The following ROBO2 variants were observed in gnomAD, a reference collection of about 807,000 sequenced individuals.
ROBO2 encodes the protein roundabout homolog 2.
ROBO2 carries 53 observed loss-of-function variants against 160.8 expected under a neutral mutation model. The ratio of observed to expected loss-of-function variants is 0.33; its 90% CI spans 0.26 to 0.41. The LOEUF (loss-of-function observed/expected upper bound fraction) is 0.41. Ranked by LOEUF, ROBO2 falls within the 10% of genes least tolerant of loss-of-function variation. ROBO2 has a pLI of 1.00. For synonymous variants in ROBO2, 664 were observed against 611.7 expected, an observed-to-expected ratio of 1.09 and a Z score of -1.26; for missense variants, 1,577 against 1,722.4, an observed-to-expected ratio of 0.92 and a Z score of 1.49.
intron 2 of ROBO2, among the ~76,000 whole-genome samples, chr3:77,377,675 A>G (rs2072876490): frequency 6.6e-6 from 1 of 152,190 alleles, no homozygotes; most frequent in Non-Finnish European, 1.5e-5. Flanking sequence ...CCATTGTACC[A>G]TGTTGTTAAA....
intron 2 of ROBO2, among the ~76,000 whole-genome samples, chr3:76,903,377 C>T (rs1040228581): frequency 1.3e-5 from 2 of 151,926 alleles, no homozygotes; most frequent in Non-Finnish European, 2.9e-5. Flanking sequence ...TACAGTTTTC[C>T]ACTCTCTCTT....
At position 77,558,283 on chromosome 3, in the gene ROBO2, C is replaced by A. The variant is rs906819826; in HGVS notation, c.1437+134C>A. 9.5e-6 allele frequency: 7 copies of A among 737,182 alleles called. No homozygotes were observed. The African/African-American group carries it at 1.2e-4, about 13-fold the overall frequency. The allele number at this position is 737,182 out of a possible 1,614,324, so 45.7% of individuals were successfully genotyped here. ...CGTTTAAAAACAGTTAATGTTATTA[C>A]TTATTTTAAAAATGATGAAATGAAA... On this transcript the variant is annotated intron_variant, in intron 9 of 25. Transcript: ENST00000461745.
intron 2 of ROBO2, among the ~76,000 whole-genome samples, chr3:76,264,941 C>A (rs1707006499): frequency 6.6e-6 from 1 of 152,152 alleles, no homozygotes; most frequent in South Asian, 2.1e-4. Context: ...ACTTTCCTCC[C>A]CATGCAGTTT....
chr3:76,171,315 A>C (rs2073029519), intron 2 of ROBO2, among the ~76,000 whole-genome samples: 1 of 151,748 alleles, frequency 6.6e-6, no homozygotes, highest in South Asian at 2.1e-4. Flanking sequence ...AAAACAACCC[A>C]ACCAACAAAC....
chr3:76,958,506 C>T (rs1003516886), intron 2 of ROBO2, among the ~76,000 whole-genome samples: 3 of 152,210 alleles, frequency 2.0e-5, no homozygotes, highest in Admixed American at 6.5e-5. Flanking sequence ...TGATTTTGTA[C>T]TAGTCTCCTA....
chr3:77,136,199 A>C (rs998409313), intron 2 of ROBO2, among the ~76,000 whole-genome samples: 5 of 152,228 alleles, frequency 3.3e-5, no homozygotes, highest in African/African-American at 1.2e-4. Context: ...ATTATTCTTA[A>C]CTAAGGAGGC....
intron 1 of ROBO2, among the ~76,000 whole-genome samples, chr3:77,093,212 T>G (rs11917449): frequency 0.39 from 59,363 of 151,980 alleles, 13,180 homozygotes; most frequent in African/African-American, 0.59. Flanking sequence ...TCAGATATGC[T>G]GGTATGGGCC....
At position 77,040,854 on chromosome 3, in the gene ROBO2, A is replaced by T; in HGVS notation, c.61+8A>T. On this transcript the variant is annotated splice_region_variant and intron_variant, in intron 1 of 25. Coordinates refer to ENST00000461745, the Ensembl canonical transcript of ROBO2. The stretch of plus-strand genomic sequence containing the variant: ...TATATGTTCGGGTTGATGGTAAGTT[A>T]AAAATGCTTTCATCTTTTTTTGCGC... 1 of 1,614,142 alleles carries T rather than the reference A, an allele frequency of 6.2e-7. No homozygotes were observed. The highest frequency in any genetic ancestry group is 8.5e-7 in the Non-Finnish European group (1 of 1,180,028).
intron 2 of ROBO2, among the ~76,000 whole-genome samples, chr3:76,739,545 G>A (rs957351873): frequency 1.3e-5 from 2 of 151,900 alleles, no homozygotes; most frequent in Non-Finnish European, 2.9e-5. Flanking sequence ...ACGAGTTGGT[G>A]CAGCACACCA....
At chr3:77,268,339 A>AG in intron 2 of ROBO2, among the ~76,000 whole-genome samples, 1 of 152,244 alleles carries the variant, frequency 6.6e-6, no homozygotes, top group African/African-American at 2.4e-5. Context: ...ATGGAATAAC[A>AG]GAAAAAAAGT....
At chr3:76,028,143 C>G (rs1227371997) in intron 2 of ROBO2, among the ~76,000 whole-genome samples, 1 of 151,132 alleles carries the variant, frequency 6.6e-6, no homozygotes. Flanking sequence ...GAAAATCAAT[C>G]CTTTCTCAGA....
intron 1 of ROBO2, among the ~76,000 whole-genome samples, chr3:77,071,407 T>C (rs928130369): frequency 2.0e-5 from 3 of 152,240 alleles, no homozygotes; most frequent in Non-Finnish European, 4.4e-5. Context: ...GATTGTTGTA[T>C]AATGACTACT....
chr3:76,458,329 G>T lies in ROBO2; in HGVS notation c.109+520727G>T, dbSNP rs764826197. On this transcript the variant is annotated intron_variant, in intron 2 of 26. Coordinates refer to the ROBO2 transcript ENST00000487694. Reference sequence around the variant, plus strand: ...ATCTGTAGGGCACGGGCAAAATGCTGCCAGTCTCTTTGCTAAAACATAACA... The same window carrying T: ...ATCTGTAGGGCACGGGCAAAATGCTTCCAGTCTCTTTGCTAAAACATAACA... 3.3e-5 allele frequency among the ~76,000 whole-genome samples: 5 copies of T among 152,066 alleles called. No individual in the cohort carries two copies. The South Asian group carries it at 1.0e-3, about 31-fold the overall frequency.
At chr3:76,018,787 T>C (rs931740174) in intron 2 of ROBO2, among the ~76,000 whole-genome samples, 1 of 151,522 alleles carries the variant, frequency 6.6e-6, no homozygotes, top group Non-Finnish European at 1.5e-5. Context: ...TTGGCTAATA[T>C]TTGCATTGTG....
chr3:76,530,799 A>G (rs575823046), intron 2 of ROBO2, among the ~76,000 whole-genome samples: 1 of 152,224 alleles, frequency 6.6e-6, no homozygotes, highest in South Asian at 2.1e-4. Flanking sequence ...ATTTCAAAAA[A>G]GATTATCCTG....
intron 2 of ROBO2, among the ~76,000 whole-genome samples, chr3:76,275,051 C>G (rs1707839113): frequency 1.3e-5 from 2 of 151,928 alleles, no homozygotes; most frequent in Admixed American, 1.3e-4. Flanking sequence ...TAAATAACTG[C>G]CCCAACTCAC....
At chr3:76,628,892 A>G (rs2109404292) in intron 2 of ROBO2, among the ~76,000 whole-genome samples, 1 of 152,368 alleles carries the variant, frequency 6.6e-6, no homozygotes, top group South Asian at 2.1e-4. Flanking sequence ...TTATGTATCT[A>G]ACAAACATAA....
chr3:77,282,992 C>T (rs541860292), intron 2 of ROBO2, among the ~76,000 whole-genome samples: 16 of 150,888 alleles, frequency 1.1e-4, no homozygotes, highest in Non-Finnish European at 2.2e-4. Flanking sequence ...TGATATAAAC[C>T]TGAGAATTTA....
rs2077190882 is a variant in ROBO2 at position 76,392,250 on chromosome 3, T to G, written c.109+454648T>G. On this transcript the variant is annotated intron_variant, in intron 2 of 26. Coordinates refer to the ROBO2 transcript ENST00000487694. Reference sequence around the variant, plus strand: ...AATGACTTTCTATAAAGTAGGATTATTTGGATAACAATCTCTGGGGTATCT... The same window carrying G: ...AATGACTTTCTATAAAGTAGGATTAGTTGGATAACAATCTCTGGGGTATCT... Among the ~76,000 whole-genome samples the G allele has an allele frequency of 2.0e-5, 3 of 152,296 alleles. No individual in the cohort carries two copies. In the South Asian group the frequency reaches 6.2e-4, roughly 32 times the overall value.
Sources: allele counts gnomAD v4.1 joint callset (sites outside exome capture counted in the v4.1 genomes callset), GRCh38; gene constraint gnomAD v4.1.1; transcripts MANE v1.5; gene names NCBI Gene and HGNC (gene_info 2026-07-23, HGNC 2026-07-21).